CCDC97: variants seen among roughly 807,000 people sequenced by gnomAD.
CCDC97 encodes coiled-coil domain containing 97.
In CCDC97, 27 loss-of-function variants were observed where a neutral mutation model predicts 33.9. The observed-to-expected ratio is 0.80, with a 90% CI of 0.59 to 1.10. The LOEUF (loss-of-function observed/expected upper bound fraction) is 1.10, where lower values mean the gene tolerates loss of function less well. Ranked by LOEUF, CCDC97 falls within the 50% of genes least tolerant of loss-of-function variation. CCDC97 has a pLI of 0.00. For missense variants in CCDC97, 422 were observed against 476.6 expected, an observed-to-expected ratio of 0.89 and a Z score of 1.07; for synonymous variants, 217 against 194.0, an observed-to-expected ratio of 1.12 and a Z score of -0.99.
At chr19:41,320,667 C>A in intron 4 of CCDC97, 197 bp downstream of exon 4, 1 of 594,844 alleles carries the variant, frequency 1.7e-6, no homozygotes, top group African/African-American at 1.9e-5. Flanking sequence ...CTCAGACCCT[C>A]AGTCTCCTCA....
intron 1 of CCDC97, among the ~76,000 whole-genome samples, chr19:41,315,463 C>A (rs533306680): frequency 6.6e-6 from 1 of 151,600 alleles, no homozygotes; most frequent in African/African-American, 2.4e-5. Context: ...AAAAATTAAC[C>A]AGGCATTTGG....
chr19:41,319,655 A>C lies in CCDC97; in HGVS notation c.584A>C (p.Gln195Pro), dbSNP rs1568469951. The stretch of plus-strand genomic sequence containing the variant: ...CAGTACATCGGGCAGTATCTCACCC[A>C]GGAGGAGCTCAGTGCCCGCACCCCA... ...YEQYIGQYLT[Q>P]EELSARTPTH... The change falls in exon 3 of 5, where the codon CAG becomes CCG. Residue 195 changes from glutamine (Q) to proline (P), a missense_variant. Transcript: ENST00000269967. The C allele has an allele frequency of 1.2e-6, 2 of 1,614,062 alleles. No individual in the cohort carries two copies. The highest frequency in any genetic ancestry group is 1.7e-6 in the Non-Finnish European group (2 of 1,179,960).
At chr19:41,314,069 T>G (rs1481708846) in intron 1 of CCDC97, among the ~76,000 whole-genome samples, 1 of 152,186 alleles carries the variant, frequency 6.6e-6, no homozygotes, top group Non-Finnish European at 1.5e-5. Context: ...GGGTGCTCCC[T>G]GAGGGCAGGA....
Position 41,320,456 on chromosome 19 carries a change from G to T in CCDC97, c.897G>T (p.Gly299=), listed in dbSNP as rs766896265. 6.2e-7 allele frequency: 1 copy of T among 1,613,986 alleles called. No individual in the cohort carries two copies. Among genetic ancestry groups the T allele is most frequent in the South Asian group, 1.1e-5 (1 of 91,084 alleles). ...AGCGCTTCCTAGATGGCAAGGACGG[G>T]GACTTTGACTACAGGTGCTCCTGTG... ...MHQRFLDGKD[G]DFDYSTVDDN... The change falls in exon 4 of 5, where the codon GGG becomes GGT. Residue 299 remains glycine, a synonymous_variant. Transcript: ENST00000269967.
In CCDC97 at chr19:41,319,563, C is replaced by A; in HGVS notation, c.503-11C>A. 5 of 1,574,442 alleles carry A rather than the reference C, an allele frequency of 3.2e-6. No homozygotes were observed. The South Asian group carries it at 3.5e-5, about 11-fold the overall frequency. On this transcript the variant is annotated splice_polypyrimidine_tract_variant and intron_variant, in intron 2 of 4. Transcript: ENST00000269967. The stretch of plus-strand genomic sequence containing the variant: ...CTCACCCCATGCCCACCCTGTCTCT[C>A]CTCTGTGCAGGGGGCGAGTACTTCA...
intron 4 of CCDC97, chr19:41,320,724 A>G (rs1472987500): frequency 2.3e-6 from 1 of 427,352 alleles, no homozygotes; most frequent in South Asian, 2.5e-5. Flanking sequence ...CTCAGTATCA[A>G]TGAAACCCTG....
chr19:41,320,377 C>A lies in CCDC97; in HGVS notation c.818C>A (p.Pro273His). 2 of 1,614,140 alleles carry A rather than the reference C, an allele frequency of 1.2e-6. No individual in the cohort carries two copies. The highest frequency in any genetic ancestry group is 2.2e-5 in the South Asian group (2 of 91,086). Residue 273 changes from proline (P) to histidine (H), a missense_variant, in exon 4 of 5, where the codon CCC becomes CAC. Physicochemically the swap from Pro to His is moderately conservative, Grantham distance 77. Transcript: ENST00000269967. Reference sequence around the variant, plus strand: ...GGCAAGGACTCGGAGGCCTGGGTTCCCGACTCGGAGGAGAGGCTGATCCTG... The same window carrying A: ...GGCAAGGACTCGGAGGCCTGGGTTCACGACTCGGAGGAGAGGCTGATCCTG... Reference protein sequence around the residue: ...RSGKDSEAWVPDSEERLILRE... With the variant: ...RSGKDSEAWVHDSEERLILRE...
At chr19:41,320,242 G>A (rs1052153755) in intron 3 of CCDC97, 99 bp from the exon 4 acceptor site, 56 of 1,507,822 alleles carry the variant, frequency 3.7e-5, no homozygotes, top group African/African-American at 3.0e-4. Context: ...GCCACCCAGC[G>A]CAAGGCTGGG....
chr19:41,322,362 G>A (rs2037832742), intron 4 of CCDC97, among the ~76,000 whole-genome samples: 1 of 152,228 alleles, frequency 6.6e-6, no homozygotes, highest in African/African-American at 2.4e-5. Context: ...ATAGTGCTGG[G>A]ATTGCAGGCA....
Position 41,323,916 on chromosome 19 carries a change from GAC to G in CCDC97, c.*1209_*1210del, listed in dbSNP as rs547592032. ...ACACCCGGCTCCTGCTCCCCCAGCA[GAC>G]ACACACAGGAGGGCCTGGCCACTGT... is the stretch of plus-strand genomic sequence containing the variant. On this transcript the variant is annotated 3_prime_UTR_variant, in exon 5 of 5. Coordinates refer to ENST00000269967, the MANE Select transcript of CCDC97 (RefSeq NM_052848.3). 1 of 153,094 alleles carries G rather than the reference GAC, an allele frequency of 6.5e-6. No homozygotes were observed. Among genetic ancestry groups the G allele is most frequent in the Non-Finnish European group, 1.5e-5 (1 of 68,418 alleles). 9.5% of individuals were successfully genotyped at this position (153,094 alleles called of 1,614,324 possible).
At position 41,319,715 on chromosome 19, in the gene CCDC97, G is replaced by T; in HGVS notation, c.644G>T (p.Arg215Ile). The T allele has an allele frequency of 1.2e-6, 2 of 1,613,950 alleles. No individual in the cohort carries two copies. The highest frequency in any genetic ancestry group is 1.1e-5 in the South Asian group (1 of 91,082). ...HQPPKPGSPG[R>I]PACPLSNLLL... ...CCCCCCAAGCCCGGGTCCCCCGGGA[G>T]ACCTGCTTGCCCGCTCTCCAACTTG... The change falls in exon 3 of 5, where the codon AGA (arginine) becomes ATA (isoleucine). Residue 215 changes from arginine (R) to isoleucine (I), a missense_variant. Physicochemically the swap from Arg to Ile is moderately conservative, Grantham distance 97. Transcript: ENST00000269967.
chr19:41,310,555 C>A (rs2037671024), intron 1 of CCDC97, 199 bp downstream of exon 1: 1 of 985,364 alleles, frequency 1.0e-6, no homozygotes, highest in African/African-American at 1.7e-5. Context: ...ATTCCTTCCC[C>A]CCGAAATTAA....
intron 2 of CCDC97, 74 bp from the exon 3 acceptor site, chr19:41,319,500 T>G: frequency 1.9e-6 from 2 of 1,077,584 alleles, no homozygotes; most frequent in Non-Finnish European, 2.8e-6. Context: ...ACAAGCATGA[T>G]CACACACATA....
chr19:41,311,907 GAAA>G (rs533310743), intron 1 of CCDC97, among the ~76,000 whole-genome samples: 1 of 151,812 alleles, frequency 6.6e-6, no homozygotes, highest in African/African-American at 2.4e-5. Context: ...TCAAAAAAAA[GAAA>G]AAAAATTTGT....
chr19:41,322,855 C>T lies in CCDC97; in HGVS notation c.*140C>T. The T allele has an allele frequency of 1.1e-6, 1 of 925,922 alleles. No homozygotes were observed. The highest frequency in any genetic ancestry group is 1.6e-6 in the Non-Finnish European group (1 of 640,160). The allele number at this position is 925,922 out of a possible 1,614,324, so 57.4% of individuals were successfully genotyped here. A position where few individuals can be genotyped will look rare whatever the true frequency, so the allele number is the denominator to read the frequency against. ...CACACACACCACCATCTCACTGGGT[C>T]TAGTCTCATCTCAGACAACCCCCAC... On this transcript the variant is annotated 3_prime_UTR_variant, in exon 5 of 5. Transcript: ENST00000269967.
chr19:41,317,846 C>A (rs952937943), intron 2 of CCDC97, among the ~76,000 whole-genome samples: 1 of 151,070 alleles, frequency 6.6e-6, no homozygotes, highest in Non-Finnish European at 1.5e-5. Flanking sequence ...GTCAGGAGTT[C>A]CAGAGCAGCC....
intron 4 of CCDC97, among the ~76,000 whole-genome samples, chr19:41,321,185 G>A (rs572858943): frequency 2.6e-5 from 4 of 152,360 alleles, no homozygotes; most frequent in Admixed American, 6.5e-5. Flanking sequence ...TGCCCCTGCC[G>A]TGGGGCCCAG....
Position 41,316,369 on chromosome 19 carries a change from C to CCCA in CCDC97, c.47-15_47-14insCCA. ...CACTCCCATCTCTGAACTAACCAAT[C>CCCA]TCTCCTTTCCTCAGGCTGCATAGAG... On this transcript the variant is annotated splice_polypyrimidine_tract_variant and intron_variant, in intron 1 of 4. Coordinates refer to ENST00000269967, the MANE Select transcript of CCDC97 (RefSeq NM_052848.3). 6.3e-7 allele frequency: 1 copy of CCCA among 1,597,600 alleles called. No individual in the cohort carries two copies. The highest frequency in any genetic ancestry group is 8.6e-7 in the Non-Finnish European group (1 of 1,167,082).
At chr19:41,319,921 C>A in intron 3 of CCDC97, 69 bp downstream of exon 3, 1 of 755,890 alleles carries the variant, frequency 1.3e-6, no homozygotes, top group Non-Finnish European at 2.1e-6. Context: ...GTCTCCACTT[C>A]ATGGCAGCAG....
Sources: allele counts gnomAD v4.1 joint callset (sites outside exome capture counted in the v4.1 genomes callset), GRCh38; gene constraint gnomAD v4.1.1; transcripts MANE v1.5; gene names NCBI Gene and HGNC (gene_info 2026-07-23, HGNC 2026-07-21).